Variants in FNTB observed in about 807,000 individuals in gnomAD.
FNTB encodes the protein protein farnesyltransferase subunit beta.
Under a neutral mutation model 59.4 loss-of-function variants are expected in FNTB, and 27 were observed. The observed-to-expected ratio is 0.45, with a 90% confidence interval of 0.34 to 0.63. FNTB has a LOEUF of 0.63. Ranked by LOEUF, FNTB falls within the 20% of genes least tolerant of loss-of-function variation. The pLI, the probability that FNTB is intolerant of heterozygous loss-of-function variation, is 0.02. For synonymous variants in FNTB, 230 were observed against 220.7 expected (o/e 1.04, Z -0.37); for missense variants, 449 against 559.6 (o/e 0.80, Z 1.99).
In FNTB at chr14:65,047,652, G is replaced by C. The variant is rs1394840454; in HGVS notation, c.955+3209G>C. Among the ~76,000 whole-genome samples, 3 of 152,206 alleles carry C rather than the reference G, an allele frequency of 2.0e-5. No individual in the cohort carries two copies. Among genetic ancestry groups the C allele is most frequent in the Non-Finnish European group, 4.4e-5 (3 of 68,032 alleles). ...GGCACTTACCCTTTGAACACAGCAA[G>C]TGCACTGTCAGGAATTTACCTGCAG... On this transcript the variant is annotated intron_variant, in intron 9 of 11. Transcript: ENST00000246166. This position sits in a 1 kb window ranked among gnomAD's most constrained non-coding sequence, Gnocchi z 5.2.
intron 11 of FNTB, among the ~76,000 whole-genome samples, chr14:65,057,243 TTTTG>T (rs1403458682): frequency 6.6e-6 from 1 of 152,124 alleles, no homozygotes; most frequent in African/African-American, 2.4e-5. Context: ...AACCATAGCA[TTTTG>T]TTTTTGGTGT....
intron 9 of FNTB, among the ~76,000 whole-genome samples, chr14:65,051,536 G>A (rs2062610747): frequency 6.6e-6 from 1 of 151,716 alleles, no homozygotes; most frequent in Non-Finnish European, 1.5e-5. Flanking sequence ...GCTTGAACCC[G>A]GGAGGCGGAG....
intron 1 of FNTB, among the ~76,000 whole-genome samples, chr14:65,002,408 A>G (rs1484363677): frequency 6.6e-6 from 1 of 152,202 alleles, no homozygotes; most frequent in African/African-American, 2.4e-5. Flanking sequence ...CAGGAGTTCG[A>G]GACCAGCCTG....
intron 3 of FNTB, among the ~76,000 whole-genome samples, chr14:65,013,815 T>C (rs2061723861): frequency 6.6e-6 from 1 of 152,270 alleles, no homozygotes; most frequent in African/African-American, 2.4e-5. Context: ...CCTGAGGCTC[T>C]GGGGTTACAG....
rs954744283 is a variant in FNTB, at chr14:64,994,297, T to C, written c.144+7200T>C. 1.3e-5 allele frequency among the ~76,000 whole-genome samples: 2 copies of C among 152,202 alleles called. No homozygotes were observed. Among genetic ancestry groups the C allele is most frequent in the African/African-American group, 4.8e-5 (2 of 41,450 alleles). Reference sequence around the variant, plus strand: ...GTGTTGGGGACCCTAGTACAGTTACTTGATCCCTGGCCCCTAGAGTCTAAC... The same window carrying C: ...GTGTTGGGGACCCTAGTACAGTTACCTGATCCCTGGCCCCTAGAGTCTAAC... On this transcript the variant is annotated intron_variant, in intron 1 of 11. Coordinates refer to ENST00000246166, the MANE Select transcript of FNTB (RefSeq NM_002028.4). This position sits in a 1 kb window ranked among gnomAD's most constrained non-coding sequence, Gnocchi z 4.2.
intron 1 of FNTB, among the ~76,000 whole-genome samples, chr14:64,987,977 C>A (rs1423542085): frequency 2.0e-5 from 3 of 152,154 alleles, no homozygotes; most frequent in African/African-American, 7.2e-5. Context: ...CATTCTGCTG[C>A]TTACTGAAAT....
intron 8 of FNTB, among the ~76,000 whole-genome samples, chr14:65,041,959 A>G (rs1373963750): frequency 6.6e-6 from 1 of 152,342 alleles, no homozygotes; most frequent in African/African-American, 2.4e-5. Context: ...CATTTGAGAC[A>G]TGAGTCCTTG....
Position 65,040,904 on chromosome 14 carries a change from C to T in FNTB, c.807C>T (p.Asn269=), listed in dbSNP as rs376359664. 1 of 1,613,754 alleles carries T rather than the reference C, an allele frequency of 6.2e-7. No individual in the cohort carries two copies. The highest frequency in any genetic ancestry group is 8.5e-7 in the Non-Finnish European group (1 of 1,179,862). ...TCCTCAAGAGGGAACGTTCCTTGAACTTGAAGAGCTTATTAGTAAGTATCT... is the reference window on the plus strand; with the variant it reads ...TCCTCAAGAGGGAACGTTCCTTGAATTTGAAGAGCTTATTAGTAAGTATCT... ...LVILKRERSL[N]LKSLLQWVTS... The change falls in exon 8 of 12, where the codon AAC becomes AAT. Residue 269 remains asparagine, a synonymous_variant. Coordinates refer to ENST00000246166, the MANE Select transcript of FNTB (RefSeq NM_002028.4).
chr14:65,053,142 A>C, intron 9 of FNTB, 96 bp from the exon 10 acceptor site: 9 of 970,324 alleles, frequency 9.3e-6, no homozygotes, highest in Non-Finnish European at 1.2e-5. Flanking sequence ...GGGGAGCAGG[A>C]AACCTTGACT....
rs927121915 is a variant in FNTB at position 65,032,854 on chromosome 14, G to A, written c.692+158G>A. ...AATGATTTTTTTAAATACTTAAAAT[G>A]TCTTCTTTTTTCCAAACTTTCTTTA... On this transcript the variant is annotated intron_variant, in intron 7 of 11. Coordinates refer to ENST00000246166, the MANE Select transcript of FNTB (RefSeq NM_002028.4). This position sits in a 1 kb window ranked among gnomAD's most constrained non-coding sequence, Gnocchi z 5.0. 2.1e-4 allele frequency among the ~76,000 whole-genome samples: 32 copies of A among 152,144 alleles called. No homozygotes were observed. The highest frequency in any genetic ancestry group is 7.5e-4 in the African/African-American group (31 of 41,430).
In FNTB at chr14:65,046,024, G is replaced by C. The variant is rs375113036; in HGVS notation, c.955+1581G>C. On this transcript the variant is annotated intron_variant, in intron 9 of 11. Coordinates refer to ENST00000246166, the MANE Select transcript of FNTB (RefSeq NM_002028.4). ...TTTTTTGAGACGGAGTTTCACTCTT[G>C]TTGCCCAGGCCGGAGTGCAATGGAT... Among the ~76,000 whole-genome samples, 33 of 152,156 alleles carry C rather than the reference G, an allele frequency of 2.2e-4. No individual in the cohort carries two copies. In the East Asian group the frequency reaches 3.5e-3, roughly 16 times the overall value.
chr14:65,005,501 CT>C (rs1555390086), intron 2 of FNTB, among the ~76,000 whole-genome samples: 1 of 133,450 alleles, frequency 7.5e-6, no homozygotes, highest in African/African-American at 3.1e-5. Flanking sequence ...TTCTTTCTTT[CT>C]TTCTTTCTTT....
intron 8 of FNTB, among the ~76,000 whole-genome samples, chr14:65,042,443 G>A (rs913795905): frequency 1.6e-4 from 24 of 152,250 alleles, no homozygotes; most frequent in African/African-American, 5.5e-4. Flanking sequence ...GGCATACACG[G>A]TTCACAGTAG....
intron 8 of FNTB, among the ~76,000 whole-genome samples, chr14:65,043,561 G>A (rs1343776196): frequency 1.3e-5 from 2 of 152,110 alleles, no homozygotes; most frequent in Non-Finnish European, 2.9e-5. Flanking sequence ...GGTGGCTCAC[G>A]CCTGTAATCC....
intron 9 of FNTB, among the ~76,000 whole-genome samples, chr14:65,046,501 C>T (rs1372119310): frequency 6.6e-6 from 1 of 152,176 alleles, no homozygotes; most frequent in African/African-American, 2.4e-5. Context: ...TCTTGTAGCA[C>T]ATGTTCTAGG....
intron 11 of FNTB, among the ~76,000 whole-genome samples, chr14:65,056,044 G>T (rs2062729132): frequency 6.6e-6 from 1 of 152,012 alleles, no homozygotes; most frequent in Admixed American, 6.5e-5. Flanking sequence ...CATGTATCAT[G>T]CCTGTGGATG....
chr14:65,004,400 C>G, intron 2 of FNTB, 87 bp downstream of exon 2: 1 of 1,375,476 alleles, frequency 7.3e-7, no homozygotes, highest in Non-Finnish European at 1.0e-6. Context: ...CGAATCTAAC[C>G]ACGGGGAGCA....
chr14:65,002,043 C>T (rs1184912229), intron 1 of FNTB, among the ~76,000 whole-genome samples: 1 of 152,200 alleles, frequency 6.6e-6, no homozygotes, highest in Non-Finnish European at 1.5e-5. Flanking sequence ...ACAGATAATT[C>T]TTTCATGCTT....
At chr14:65,018,341 G>A (rs899546781) in intron 4 of FNTB, among the ~76,000 whole-genome samples, 1 of 152,044 alleles carries the variant, frequency 6.6e-6, no homozygotes, top group Non-Finnish European at 1.5e-5. Flanking sequence ...ATAAATATAT[G>A]AATGTGTATA....
Sources: gnomAD v4.1 joint callset for allele counts (sites outside exome capture counted in the v4.1 genomes callset) on GRCh38, gnomAD v4.1.1 for gene constraint, Gnocchi (gnomAD v3.1) non-coding constraint, MANE v1.5 for transcripts, NCBI Gene and HGNC (gene_info 2026-07-23, HGNC 2026-07-21) for gene names.